MRPS27: variants seen among roughly 807,000 people sequenced by gnomAD.
The protein encoded by MRPS27 is small ribosomal subunit protein mS27.
A neutral mutation model predicts 48.9 loss-of-function variants in MRPS27; 43 were observed. That is an observed-to-expected ratio of 0.88 (90% confidence interval 0.69 to 1.13). MRPS27 has a LOEUF of 1.13. Among genes scored for constraint, MRPS27 ranks in the 50% most tolerant of loss-of-function variants. The pLI is 0.00. For missense variants in MRPS27, 467 were observed against 476.3 expected (o/e 0.98, Z 0.18); for synonymous variants, 188 against 171.9 (o/e 1.09, Z -0.73).
intron 4 of MRPS27, among the ~76,000 whole-genome samples, chr5:72,292,562 G>A (rs1162591812): frequency 2.6e-5 from 4 of 152,162 alleles, no homozygotes; most frequent in African/African-American, 9.7e-5. Context: ...TAAGCTGGCA[G>A]GTACCAGCAG....
chr5:72,263,703 GAT>G (rs914255312), intron 4 of MRPS27, among the ~76,000 whole-genome samples: 25 of 151,854 alleles, frequency 1.6e-4, no homozygotes, highest in Admixed American at 9.2e-4. Flanking sequence ...ACCACAGTGA[GAT>G]ATTACTCCAT....
chr5:72,306,443 A>G (rs1235500237), intron 2 of MRPS27, among the ~76,000 whole-genome samples: 1 of 152,236 alleles, frequency 6.6e-6, no homozygotes, highest in East Asian at 1.9e-4. Flanking sequence ...TCCAACTACC[A>G]GTTTCACAAG....
rs1750221586 is a variant in MRPS27, at chr5:72,304,962, T to G, written c.152-7260A>C. ...TTATTGTCCTTCCTAGAAGAACTGA[T>G]CTTGAAAAATACAGGCTGAAACTGT... On this transcript the variant is annotated intron_variant, in intron 2 of 10. Transcript: ENST00000261413. Among the ~76,000 whole-genome samples the G allele has an allele frequency of 2.6e-5, 4 of 152,300 alleles. No individual in the cohort carries two copies. The South Asian group carries it at 8.3e-4, about 32-fold the overall frequency.
intron 4 of MRPS27, among the ~76,000 whole-genome samples, chr5:72,249,071 C>A (rs911785061): frequency 3.3e-5 from 5 of 152,174 alleles, no homozygotes; most frequent in Non-Finnish European, 5.9e-5. Context: ...ATGGCTGCTA[C>A]AATGAATGCA....
chr5:72,223,544 CA>C, intron 10 of MRPS27, 138 bp downstream of exon 10: 1 of 1,057,992 alleles, frequency 9.5e-7, no homozygotes, highest in Middle Eastern at 2.1e-4. Context: ...CTGTGCAAAG[CA>C]ATAAAAATGT....
intron 4 of MRPS27, among the ~76,000 whole-genome samples, chr5:72,254,131 C>T (rs1748734404): frequency 6.6e-6 from 1 of 152,152 alleles, no homozygotes; most frequent in Admixed American, 6.5e-5. Context: ...CTTCTTTGCT[C>T]TGATGATTTT....
At chr5:72,308,525 C>G (rs1030796214) in intron 2 of MRPS27, among the ~76,000 whole-genome samples, 4 of 152,180 alleles carry the variant, frequency 2.6e-5, no homozygotes, top group African/African-American at 9.6e-5. Context: ...CGCTACCCGA[C>G]AGCCCCGCGC....
chr5:72,261,161 C>G (rs1257023370), intron 4 of MRPS27, among the ~76,000 whole-genome samples: 2 of 152,180 alleles, frequency 1.3e-5, no homozygotes, highest in Non-Finnish European at 2.9e-5. Context: ...CTGCAACTGG[C>G]CAATCACTAC....
At chr5:72,276,460 C>A (rs551292172) in intron 4 of MRPS27, among the ~76,000 whole-genome samples, 1 of 152,078 alleles carries the variant, frequency 6.6e-6, no homozygotes, top group Non-Finnish European at 1.5e-5. Context: ...ACTATAGAAA[C>A]CCTAGAAGAA....
intron 4 of MRPS27, among the ~76,000 whole-genome samples, chr5:72,252,707 T>C (rs140740161): frequency 6.0e-4 from 91 of 152,320 alleles, no homozygotes; most frequent in Non-Finnish European, 9.0e-4. Context: ...CTCTGAATAA[T>C]GGAATTGCAT....
chr5:72,288,355 C>A (rs1749729926), intron 4 of MRPS27, among the ~76,000 whole-genome samples: 1 of 152,128 alleles, frequency 6.6e-6, no homozygotes, highest in South Asian at 2.1e-4. Flanking sequence ...CTACAGGCGC[C>A]CACCACCATG....
intron 4 of MRPS27, among the ~76,000 whole-genome samples, chr5:72,278,455 A>T (rs1325274340): frequency 6.6e-6 from 1 of 152,020 alleles, no homozygotes; most frequent in African/African-American, 2.4e-5. Context: ...AAAAAAAAAA[A>T]AAAAAAAAAT....
At chr5:72,296,854 T>A (rs994247592) in intron 3 of MRPS27, among the ~76,000 whole-genome samples, 1 of 152,208 alleles carries the variant, frequency 6.6e-6, no homozygotes, top group Non-Finnish European at 1.5e-5. Context: ...CATTTTAGCA[T>A]CCCATTATTC....
intron 4 of MRPS27, among the ~76,000 whole-genome samples, chr5:72,250,690 C>A (rs1332977390): frequency 6.6e-6 from 1 of 152,122 alleles, no homozygotes. Flanking sequence ...CACATAGGAG[C>A]TATTTAGGCA....
intron 2 of MRPS27, among the ~76,000 whole-genome samples, chr5:72,303,370 C>T (rs1750173426): frequency 6.6e-6 from 1 of 151,978 alleles, no homozygotes; most frequent in Admixed American, 6.6e-5. Context: ...TGAGAGTGAA[C>T]TGAAAGGCAG....
At chr5:72,305,967 A>G (rs994846321) in intron 2 of MRPS27, among the ~76,000 whole-genome samples, 1 of 152,268 alleles carries the variant, frequency 6.6e-6, no homozygotes, top group African/African-American at 2.4e-5. Flanking sequence ...GAAACAATCA[A>G]AAGTTGAAAT....
At chr5:72,249,793 A>G (rs967471486) in intron 4 of MRPS27, among the ~76,000 whole-genome samples, 5 of 152,084 alleles carry the variant, frequency 3.3e-5, no homozygotes, top group Non-Finnish European at 7.4e-5. Context: ...CATCCTGGCT[A>G]ACACGGTGAA....
intron 2 of MRPS27, among the ~76,000 whole-genome samples, chr5:72,299,727 A>G (rs192647599): frequency 3.3e-5 from 5 of 152,336 alleles, no homozygotes; most frequent in African/African-American, 1.2e-4. Flanking sequence ...AGAGTCTGAA[A>G]ATATCTGAAA....
At chr5:72,299,318 G>GA (rs139795108) in intron 2 of MRPS27, among the ~76,000 whole-genome samples, 33,031 of 123,108 alleles carry the variant, frequency 0.27, 4,816 homozygotes, top group Non-Finnish European at 0.37. Flanking sequence ...AAAAATAAAA[G>GA]AAAAAAAAAA....
Sources: gnomAD v4.1 joint callset for allele counts (sites outside exome capture counted in the v4.1 genomes callset) on GRCh38, gnomAD v4.1.1 for gene constraint, MANE v1.5 for transcripts, NCBI Gene and HGNC (gene_info 2026-07-23, HGNC 2026-07-21) for gene names.